ARHGEF26: variants seen among roughly 807,000 people sequenced by gnomAD.
ARHGEF26 encodes the protein Rho guanine nucleotide exchange factor (GEF) 26.
Under a neutral mutation model 89.4 loss-of-function variants are expected in ARHGEF26, and 59 were observed. The observed-to-expected ratio is 0.66, with a 90% CI of 0.54 to 0.82. The LOEUF (loss-of-function observed/expected upper bound fraction) is 0.82, where lower values mean the gene tolerates loss of function less well. Among genes scored for constraint, ARHGEF26 ranks in the 40% least tolerant of loss-of-function variants. ARHGEF26 has a pLI of 0.00. For synonymous variants in ARHGEF26, 500 were observed against 428.4 expected (o/e 1.17, Z -2.06); for missense variants, 1,234 against 1,085.6 (o/e 1.14, Z -1.92).
intron 6 of ARHGEF26, among the ~76,000 whole-genome samples, chr3:154,158,934 A>C (rs1711514698): frequency 6.6e-6 from 1 of 152,132 alleles, no homozygotes; most frequent in Non-Finnish European, 1.5e-5. Context: ...ATATGATCTA[A>C]CACCAATTGT....
intron 12 of ARHGEF26, among the ~76,000 whole-genome samples, chr3:154,244,709 CATATTT>C (rs1413331061): frequency 1.3e-5 from 2 of 151,030 alleles, no homozygotes. Flanking sequence ...AATATATACA[CATATTT>C]ATAATTATAT....
chr3:154,173,988 A>G (rs949163027), intron 6 of ARHGEF26, among the ~76,000 whole-genome samples: 1 of 152,204 alleles, frequency 6.6e-6, no homozygotes, highest in Non-Finnish European at 1.5e-5. Flanking sequence ...CCATTTATTC[A>G]GCCCAGTGTG....
chr3:154,204,803 T>A (rs1431286119), intron 9 of ARHGEF26, among the ~76,000 whole-genome samples: 1 of 152,230 alleles, frequency 6.6e-6, no homozygotes, highest in African/African-American at 2.4e-5. Context: ...GCATATTTTT[T>A]AATTTCTATG....
chr3:154,253,815 G>C (rs994804801), intron 13 of ARHGEF26, among the ~76,000 whole-genome samples: 2 of 152,134 alleles, frequency 1.3e-5, no homozygotes, highest in African/African-American at 2.4e-5. Flanking sequence ...ACAAAACATT[G>C]TTATCCTGGA....
rs1712897564 is a variant in ARHGEF26, at chr3:154,177,455, T to C, written c.1488-10230T>C. Among the ~76,000 whole-genome samples the C allele has an allele frequency of 2.6e-5, 4 of 152,362 alleles. 1 individual carries two copies. In the South Asian group the frequency reaches 8.3e-4, roughly 32 times the overall value. ...ATAAGAGTTGTGATGTGTTAAAGGC[T>C]GTGCAGGACTGGCTTTAGTGTGGAC... On this transcript the variant is annotated intron_variant, in intron 6 of 14. Coordinates refer to ENST00000465093, the MANE Select transcript of ARHGEF26 (RefSeq NM_015595.4).
intron 9 of ARHGEF26, among the ~76,000 whole-genome samples, chr3:154,198,469 A>T (rs934206216): frequency 2.0e-5 from 3 of 152,172 alleles, no homozygotes; most frequent in African/African-American, 7.2e-5. Context: ...AAAAATATGG[A>T]ACTAATCCAA....
At chr3:154,241,565 C>T (rs56243029) in intron 12 of ARHGEF26, among the ~76,000 whole-genome samples, 5,373 of 152,268 alleles carry the variant, frequency 0.035, 322 homozygotes, top group African/African-American at 0.12. Flanking sequence ...CTTGCTAAAG[C>T]GCAGTAAGCT....
At chr3:154,240,326 T>C in intron 11 of ARHGEF26, 44 bp from the exon 12 acceptor site, 1 of 1,474,074 alleles carries the variant, frequency 6.8e-7, no homozygotes, top group Non-Finnish European at 9.3e-7. Flanking sequence ...ATGTCAGTCT[T>C]ATCTGCTGAA....
At chr3:154,214,381 G>A (rs1283889911) in intron 9 of ARHGEF26, among the ~76,000 whole-genome samples, 3 of 152,178 alleles carry the variant, frequency 2.0e-5, no homozygotes, top group African/African-American at 7.2e-5. Context: ...CCTGAGTTCA[G>A]TGGCCAGGGC....
chr3:154,218,123 CCAGA>C (rs1559907107), intron 10 of ARHGEF26, among the ~76,000 whole-genome samples, 165 bp downstream of exon 10: 1 of 152,032 alleles, frequency 6.6e-6, no homozygotes, highest in Non-Finnish European at 1.5e-5. Flanking sequence ...TTTGCTTGTA[CCAGA>C]CAGAGTGACC....
rs1559920501 is a variant in ARHGEF26 at position 154,239,285 on chromosome 3, AGAGAGAGAGAGAGAGTGTGTGTGTGT to A, written c.2091-1083_2091-1058del. Among the ~76,000 whole-genome samples the A allele has an allele frequency of 2.0e-3, 207 of 104,308 alleles. 2 individuals are homozygous for A. In the South Asian group the frequency reaches 0.039, roughly 19 times the overall value. 68.4% of individuals were successfully genotyped at this position (104,308 alleles called of 152,430 possible). On this transcript the variant is annotated intron_variant, in intron 11 of 14. Coordinates refer to ENST00000465093, the MANE Select transcript of ARHGEF26 (RefSeq NM_015595.4). ...GGGAGAGAGAGAGAGAGAGAGAGAG[AGAGAGAGAGAGAGAGTGTGTGTGTGT>A]GTGTGTGTGTGTGTGTGTGTGTGTG... is the stretch of plus-strand genomic sequence containing the variant.
In ARHGEF26 at chr3:154,152,811, CTCAGCTTG is replaced by C; in HGVS notation, c.1367_1374del (p.Leu456ArgfsTer8). On this transcript the variant is annotated frameshift_variant, in exon 6 of 15. Transcript: ENST00000465093. LOFTEE classifies it high-confidence loss of function. ...CATATCCTCTGAACATTCATATTTA[CTCAGCTTG>C]GAGATCTTGATACGAATGTTTAAAA... The C allele has an allele frequency of 1.9e-6, 3 of 1,560,660 alleles. No homozygotes were observed. The South Asian group carries it at 3.6e-5, about 19-fold the overall frequency.
rs867991296 is a variant in ARHGEF26 at position 154,168,905 on chromosome 3, A to G, written c.1487+15973A>G. ...CTACAGATACCACTTTATTTTGTCC[A>G]CTTAGATCAGAACTAGGTTGCTATC... On this transcript the variant is annotated intron_variant, in intron 6 of 14. Transcript: ENST00000465093. Among the ~76,000 whole-genome samples the G allele has an allele frequency of 5.4e-4, 59 of 109,046 alleles. 1 individual carries two copies. The highest frequency in any genetic ancestry group is 2.7e-3 in the Admixed American group (31 of 11,574). The allele number at this position is 109,046 out of a possible 152,430, so 71.5% of individuals were successfully genotyped here.
intron 9 of ARHGEF26, among the ~76,000 whole-genome samples, chr3:154,207,604 T>A (rs1715106046): frequency 6.6e-6 from 1 of 152,102 alleles, no homozygotes; most frequent in African/African-American, 2.4e-5. Context: ...AATAACATGC[T>A]GGTGAGGTTG....
chr3:154,251,192 G>A (rs574925836), intron 12 of ARHGEF26, among the ~76,000 whole-genome samples: 12 of 152,138 alleles, frequency 7.9e-5, no homozygotes, highest in African/African-American at 2.9e-4. Context: ...AGACTGCCTG[G>A]GTTAGGTGCT....
intron 9 of ARHGEF26, among the ~76,000 whole-genome samples, chr3:154,200,877 C>CT (rs992375990): frequency 3.3e-5 from 5 of 151,746 alleles, no homozygotes; most frequent in African/African-American, 1.2e-4. Flanking sequence ...TTTTTAATTT[C>CT]TTTTTCACAT....
intron 6 of ARHGEF26, among the ~76,000 whole-genome samples, chr3:154,171,434 G>A (rs1712432238): frequency 1.3e-5 from 2 of 152,150 alleles, no homozygotes; most frequent in African/African-American, 2.4e-5. Context: ...CTATGGGATG[G>A]ATAAATGTAT....
At chr3:154,180,804 C>G (rs1713134854) in intron 6 of ARHGEF26, among the ~76,000 whole-genome samples, 1 of 151,854 alleles carries the variant, frequency 6.6e-6, no homozygotes. Flanking sequence ...AAAAGGAAGT[C>G]TCTTGAGACC....
intron 9 of ARHGEF26, among the ~76,000 whole-genome samples, chr3:154,202,181 A>G (rs1279800509): frequency 6.6e-6 from 1 of 152,152 alleles, no homozygotes; most frequent in Admixed American, 6.5e-5. Flanking sequence ...TAATTTTTGT[A>G]TAAGGTGTAA....
Sources: gnomAD v4.1 joint callset for allele counts (sites outside exome capture counted in the v4.1 genomes callset) on GRCh38, gnomAD v4.1.1 for gene constraint, MANE v1.5 for transcripts, NCBI Gene and HGNC (gene_info 2026-07-23, HGNC 2026-07-21) for gene names.